The following CRIM1 variants were observed in gnomAD, a reference collection of about 807,000 sequenced individuals.
The protein encoded by CRIM1 is cysteine rich transmembrane BMP regulator 1, also known as cysteine-rich motor neuron 1 protein.
CRIM1 carries 32 observed loss-of-function variants against 116.4 expected under a neutral mutation model. The observed-to-expected ratio is 0.27, with a 90% CI of 0.21 to 0.37. The LOEUF is 0.37. CRIM1 is among the 10% of genes least tolerant of loss of function. CRIM1 has a pLI of 1.00. For synonymous variants in CRIM1, 590 were observed against 509.2 expected, an observed-to-expected ratio of 1.16 and a Z score of -2.13; for missense variants, 1,331 against 1,354.8, an observed-to-expected ratio of 0.98 and a Z score of 0.28.
At chr2:36,396,843 T>C in intron 2 of CRIM1, 56 bp downstream of exon 2, 1 of 1,401,182 alleles carries the variant, frequency 7.1e-7, no homozygotes, top group East Asian at 2.3e-5. Context: ...TATGTAACCC[T>C]GAGTAGTAAT....
intron 8 of CRIM1, among the ~76,000 whole-genome samples, chr2:36,503,232 G>A (rs1681128678): frequency 1.3e-5 from 2 of 152,182 alleles, no homozygotes; most frequent in Admixed American, 1.3e-4. Flanking sequence ...TTGCACAGAA[G>A]CTGAGAGTGT....
Position 36,499,355 on chromosome 2 carries a change from G to C in CRIM1, c.1501+8G>C. ...CCTGTCAGTGCATAAACAGTGAGTAGACAGAAGACTGTATGTTTTTTCTGA... is the reference window on the plus strand; with the variant it reads ...CCTGTCAGTGCATAAACAGTGAGTACACAGAAGACTGTATGTTTTTTCTGA... On this transcript the variant is annotated splice_region_variant and intron_variant, in intron 8 of 16. Transcript: ENST00000280527. 1 of 1,613,272 alleles carries C rather than the reference G, an allele frequency of 6.2e-7. No individual in the cohort carries two copies. Among genetic ancestry groups the C allele is most frequent in the Non-Finnish European group, 8.5e-7 (1 of 1,179,698 alleles).
chr2:36,428,483 A>G (rs1313781733), intron 2 of CRIM1, among the ~76,000 whole-genome samples: 1 of 152,232 alleles, frequency 6.6e-6, no homozygotes, highest in Non-Finnish European at 1.5e-5. Flanking sequence ...ATTCTGAGCT[A>G]TAGAATACTG....
At position 36,374,233 on chromosome 2, in the gene CRIM1, G is replaced by GC. The variant is rs1670149682; in HGVS notation, c.331+17610_331+17611insC. 3.3e-5 allele frequency among the ~76,000 whole-genome samples: 5 copies of GC among 152,320 alleles called. No homozygotes were observed. The South Asian group carries it at 1.0e-3, about 32-fold the overall frequency. On this transcript the variant is annotated intron_variant, in intron 1 of 16. Transcript: ENST00000280527. ...GAGACCGAAGCCCCTTATTAAAGGG[G>GC]TCACTCAGAAAAAGGTGTTATCTAA...
intron 2 of CRIM1, among the ~76,000 whole-genome samples, chr2:36,419,554 T>A (rs138486486): frequency 6.6e-6 from 1 of 152,328 alleles, no homozygotes; most frequent in Non-Finnish European, 1.5e-5. Context: ...TGTACCACGT[T>A]CTTAGTACAC....
chr2:36,390,088 C>G (rs942138651), intron 1 of CRIM1, among the ~76,000 whole-genome samples: 6 of 152,154 alleles, frequency 3.9e-5, no homozygotes, highest in Non-Finnish European at 8.8e-5. Context: ...GAAAGAATTT[C>G]AGGCATCACC....
At chr2:36,545,221 TGA>T (rs922551689) in intron 15 of CRIM1, among the ~76,000 whole-genome samples, 1 of 152,178 alleles carries the variant, frequency 6.6e-6, no homozygotes, top group African/African-American at 2.4e-5. Context: ...ATTCATTGCT[TGA>T]GAGAGATTAA....
chr2:36,404,317 C>G (rs543308803), intron 2 of CRIM1, among the ~76,000 whole-genome samples: 46 of 152,278 alleles, frequency 3.0e-4, no homozygotes, highest in African/African-American at 1.1e-3. Flanking sequence ...TTAAAAGTAT[C>G]TGACTATAGT....
rs1177228362 is a variant in CRIM1, at chr2:36,356,598, C to G, written c.306C>G (p.Thr102=). The G allele has an allele frequency of 6.2e-6, 10 of 1,610,562 alleles. No homozygotes were observed. Among genetic ancestry groups the G allele is most frequent in the African/African-American group, 2.7e-5 (2 of 74,848 alleles). The change falls in exon 1 of 17, where the codon ACC becomes ACG. Residue 102 remains threonine, a synonymous_variant. Coordinates refer to ENST00000280527, the MANE Select transcript of CRIM1 (RefSeq NM_016441.3). This position sits in a 1 kb window ranked among gnomAD's most constrained non-coding sequence, Gnocchi z 4.3. ...IRPPLNGDSL[T]EYEAGVCEDE... ...CCCCGCTCAATGGCGACTCCCTCAC[C>G]GAGTACGAAGCGGGCGTTTGCGAAG...
At chr2:36,357,581 T>C (rs977936423) in intron 1 of CRIM1, among the ~76,000 whole-genome samples, 4 of 152,132 alleles carry the variant, frequency 2.6e-5, no homozygotes, top group Non-Finnish European at 5.9e-5. Flanking sequence ...CTGGTCTGGT[T>C]TGGGGTCTAG....
At chr2:36,451,009 C>G (rs187910866) in intron 4 of CRIM1, among the ~76,000 whole-genome samples, 1 of 152,296 alleles carries the variant, frequency 6.6e-6, no homozygotes, top group Admixed American at 6.5e-5. Flanking sequence ...CAGGTTATCC[C>G]TTCCCTTCAG....
chr2:36,472,191 T>C lies in CRIM1; in HGVS notation c.992-4698T>C, dbSNP rs185722439. Among the ~76,000 whole-genome samples, 443 of 152,328 alleles carry C rather than the reference T, an allele frequency of 2.9e-3. 5 individuals are homozygous for C. The highest frequency in any genetic ancestry group is 0.01 in the African/African-American group (423 of 41,578). On this transcript the variant is annotated intron_variant, in intron 5 of 16. Transcript: ENST00000280527. ...AATTACACAGTAAATTATTTCTTCA[T>C]AACACTTTTCCACATCCACTTAAAT...
At chr2:36,373,349 T>C (rs751176933) in intron 1 of CRIM1, among the ~76,000 whole-genome samples, 1 of 152,156 alleles carries the variant, frequency 6.6e-6, no homozygotes, top group Non-Finnish European at 1.5e-5. Flanking sequence ...AAAAATAGAC[T>C]TCCTGGAAGG....
In CRIM1 at chr2:36,464,659, C is replaced by T. The variant is rs775244088; in HGVS notation, c.991+4C>T. 1.1e-5 allele frequency: 18 copies of T among 1,613,730 alleles called. No individual in the cohort carries two copies. Among genetic ancestry groups the T allele is most frequent in the East Asian group, 1.1e-4 (5 of 44,868 alleles). On this transcript the variant is annotated splice_donor_region_variant and intron_variant, in intron 5 of 16. Transcript: ENST00000280527. ...GATGTCTTTGAATGTGTTAATGGTA[C>T]GTGGGGTTTCTCTTGTTCTCAGAGA...
chr2:36,362,193 A>G (rs950152315), intron 1 of CRIM1, among the ~76,000 whole-genome samples: 5 of 149,856 alleles, frequency 3.3e-5, no homozygotes, highest in Non-Finnish European at 7.4e-5. Flanking sequence ...ATTCAAGCCA[A>G]GTAGAAGTGA....
intron 7 of CRIM1, among the ~76,000 whole-genome samples, chr2:36,495,937 C>A (rs1329129809): frequency 6.6e-6 from 1 of 152,096 alleles, no homozygotes; most frequent in African/African-American, 2.4e-5. Context: ...TCATGGAAAT[C>A]TAACTACTCT....
At chr2:36,496,786 C>T (rs1328189364) in intron 7 of CRIM1, among the ~76,000 whole-genome samples, 3 of 152,190 alleles carry the variant, frequency 2.0e-5, no homozygotes, top group Non-Finnish European at 2.9e-5. Context: ...GTGACTGATA[C>T]GGGGCTGCCC....
At chr2:36,535,083 A>G (rs796913858) in intron 13 of CRIM1, among the ~76,000 whole-genome samples, 15 of 139,970 alleles carry the variant, frequency 1.1e-4, no homozygotes, top group African/African-American at 3.9e-4. Flanking sequence ...GGAGAGAGGA[A>G]GGAAAGAAGG....
intron 4 of CRIM1, among the ~76,000 whole-genome samples, chr2:36,451,769 C>A (rs77272832): frequency 0.014 from 2,058 of 152,272 alleles, 39 homozygotes; most frequent in African/African-American, 0.047. Context: ...ACACAGTGCG[C>A]ATCAACCCAA....
Sources: allele counts gnomAD v4.1 joint callset (sites outside exome capture counted in the v4.1 genomes callset), GRCh38; gene constraint gnomAD v4.1.1; non-coding constraint Gnocchi (gnomAD v3.1); transcripts MANE v1.5; gene names NCBI Gene and HGNC (gene_info 2026-07-23, HGNC 2026-07-21).